The following PRICKLE1 variants were observed in gnomAD, a reference collection of about 807,000 sequenced individuals.
PRICKLE1 encodes the protein prickle planar cell polarity protein 1.
A neutral mutation model predicts 70.2 loss-of-function variants in PRICKLE1; 14 were observed. That is an observed-to-expected ratio of 0.20 (90% CI 0.13 to 0.31). The LOEUF is 0.31. Among genes scored for constraint, PRICKLE1 ranks in the 10% least tolerant of loss-of-function variants. The pLI, the probability that PRICKLE1 is intolerant of heterozygous loss-of-function variation, is 1.00. For missense variants in PRICKLE1, 821 were observed against 1,026.2 expected (o/e 0.80, Z 2.73); for synonymous variants, 357 against 379.9 (o/e 0.94, Z 0.70).
intron 1 of PRICKLE1, among the ~76,000 whole-genome samples, chr12:42,527,931 A>C (rs1417676907): frequency 0.016 from 178 of 10,872 alleles, 19 homozygotes; most frequent in East Asian, 0.083. Flanking sequence ...ATATATATAT[A>C]TATATATATA....
intron 5 of PRICKLE1, among the ~76,000 whole-genome samples, chr12:42,468,052 T>C (rs987707611): frequency 2.6e-5 from 4 of 152,184 alleles, no homozygotes; most frequent in Non-Finnish European, 4.4e-5. Flanking sequence ...GACGTTAGTG[T>C]CAGGGGAAGC....
In PRICKLE1 at chr12:42,528,989, G is replaced by C. The variant is rs372435968; in HGVS notation, c.-48-56425C>G. ...CTAAGCCACCACCGGCTAAGGGAAG[G>C]CTCCCTTGAAAATGGCCCCTGTCCC... On this transcript the variant is annotated intron_variant, in intron 1 of 7. Coordinates refer to ENST00000345127, the MANE Select transcript of PRICKLE1 (RefSeq NM_153026.3). 1.2e-4 allele frequency among the ~76,000 whole-genome samples: 18 copies of C among 152,202 alleles called. 1 individual carries two copies. In the South Asian group the frequency reaches 3.7e-3, roughly 32 times the overall value.
intron 1 of PRICKLE1, among the ~76,000 whole-genome samples, chr12:42,560,147 TTA>T (rs1338115322): frequency 4.1e-4 from 55 of 133,976 alleles, no homozygotes; most frequent in Non-Finnish European, 7.3e-4. Context: ...ATTATTATTA[TTA>T]TTTTTGAGGC....
chr12:42,523,108 C>T (rs557333477), intron 1 of PRICKLE1, among the ~76,000 whole-genome samples: 1 of 152,042 alleles, frequency 6.6e-6, no homozygotes, highest in African/African-American at 2.4e-5. Context: ...ATTACAGGCA[C>T]CTGCCACCAT....
intron 1 of PRICKLE1, among the ~76,000 whole-genome samples, chr12:42,527,170 T>C (rs925817673): frequency 7.7e-6 from 1 of 129,406 alleles, no homozygotes. Flanking sequence ...TCTCACTCTG[T>C]AGCCCCGGAT....
chr12:42,516,851 A>G (rs1362350989), intron 1 of PRICKLE1, among the ~76,000 whole-genome samples: 1 of 152,128 alleles, frequency 6.6e-6, no homozygotes, highest in African/African-American at 2.4e-5. Flanking sequence ...TTGGCTAACC[A>G]GATTCTTCAG....
intron 1 of PRICKLE1, among the ~76,000 whole-genome samples, chr12:42,502,670 G>C (rs914645713): frequency 6.6e-6 from 1 of 152,076 alleles, no homozygotes; most frequent in African/African-American, 2.4e-5. Flanking sequence ...AACTACCAAG[G>C]ATGCACATTT....
Position 42,464,839 on chromosome 12 carries a change from G to C in PRICKLE1, c.1195C>G (p.Gln399Glu). 1 of 1,614,010 alleles carries C rather than the reference G, an allele frequency of 6.2e-7. No homozygotes were observed. Among genetic ancestry groups the C allele is most frequent in the South Asian group, 1.1e-5 (1 of 91,068 alleles). The stretch of plus-strand genomic sequence containing the variant: ...TCTTCAGGGTCTTCTGGAGTTTCCT[G>C]CTCTACTCTGCCTTTCCAAAATTCT... ...SEEFWKGRVE[Q>E]ETPEDPEEWA... The change falls in exon 7 of 8, where the codon CAG becomes GAG. Residue 399 changes from glutamine to glutamate, a missense_variant. Gln to Glu is a conservative substitution (Grantham distance 29). Coordinates refer to ENST00000345127, the MANE Select transcript of PRICKLE1 (RefSeq NM_153026.3). This position sits in a 1 kb window ranked among gnomAD's most constrained non-coding sequence, Gnocchi z 4.2.
chr12:42,568,181 T>G (rs1940653116), intron 1 of PRICKLE1, among the ~76,000 whole-genome samples: 1 of 152,230 alleles, frequency 6.6e-6, no homozygotes, highest in Admixed American at 6.5e-5. Context: ...TTATTTTACA[T>G]ATGTATTTTT....
intron 1 of PRICKLE1, among the ~76,000 whole-genome samples, chr12:42,533,465 G>A (rs1191660293): frequency 6.6e-6 from 1 of 152,124 alleles, no homozygotes; most frequent in Non-Finnish European, 1.5e-5. Context: ...CTTACATTTT[G>A]AGCACAAGCC....
chr12:42,492,601 G>A (rs150758711), intron 1 of PRICKLE1, among the ~76,000 whole-genome samples: 46 of 152,286 alleles, frequency 3.0e-4, no homozygotes, highest in African/African-American at 9.4e-4. Flanking sequence ...ATTTAAAGGA[G>A]GTGATTTTGT....
intron 1 of PRICKLE1, among the ~76,000 whole-genome samples, chr12:42,585,055 T>C: frequency 6.6e-6 from 1 of 151,216 alleles, no homozygotes; most frequent in Admixed American, 6.6e-5. Flanking sequence ...TTCTGAAGTG[T>C]AATCCACTAG....
intron 1 of PRICKLE1, among the ~76,000 whole-genome samples, chr12:42,571,782 A>G (rs559030521): frequency 6.6e-6 from 1 of 152,272 alleles, no homozygotes; most frequent in African/African-American, 2.4e-5. Flanking sequence ...TTTTCTCCCC[A>G]TTTCAGAGGT....
At chr12:42,460,825 G>C in intron 7 of PRICKLE1, 160 bp from the exon 8 acceptor site, 1 of 783,778 alleles carries the variant, frequency 1.3e-6, no homozygotes, top group South Asian at 1.5e-5. Flanking sequence ...TGCCAATTGA[G>C]AAGTGGTATA....
At chr12:42,552,678 G>GT (rs1478718200) in intron 1 of PRICKLE1, among the ~76,000 whole-genome samples, 1 of 152,248 alleles carries the variant, frequency 6.6e-6, no homozygotes, top group Non-Finnish European at 1.5e-5. Context: ...ACAGAGCGCT[G>GT]TGAGTAGTAG....
intron 1 of PRICKLE1, among the ~76,000 whole-genome samples, chr12:42,563,848 C>T (rs138976604): frequency 1.1e-4 from 17 of 151,808 alleles, no homozygotes; most frequent in South Asian, 8.3e-4. Flanking sequence ...GGACATTTTT[C>T]GAGTACAATG....
rs1252600886 is a variant in PRICKLE1, at chr12:42,459,454, T to C, written c.*355A>G. The C allele has an allele frequency of 1.5e-6, 1 of 679,602 alleles. No homozygotes were observed. The highest frequency in any genetic ancestry group is 2.7e-6 in the Non-Finnish European group (1 of 374,382). 42.1% of individuals were successfully genotyped at this position (679,602 alleles called of 1,614,324 possible). ...ACATAAATGACAAACACTAGTGCTT[T>C]ACAAAGGTGGCTGGAGTTCTCCATC... On this transcript the variant is annotated 3_prime_UTR_variant, in exon 8 of 8. Coordinates refer to ENST00000345127, the MANE Select transcript of PRICKLE1 (RefSeq NM_153026.3).
intron 1 of PRICKLE1, among the ~76,000 whole-genome samples, chr12:42,552,059 CTTTTTTTTTTT>C (rs201217516): frequency 1.5e-5 from 2 of 129,248 alleles, no homozygotes. Flanking sequence ...AAGAAAGTTA[CTTTTTTTTTTT>C]TTTTTTTTTT....
chr12:42,478,184 T>C (rs560441364), intron 1 of PRICKLE1, among the ~76,000 whole-genome samples: 1 of 152,272 alleles, frequency 6.6e-6, no homozygotes, highest in Non-Finnish European at 1.5e-5. Context: ...TTACATTCTT[T>C]TACCTAACCA....
Sources: allele counts gnomAD v4.1 joint callset (sites outside exome capture counted in the v4.1 genomes callset), GRCh38; gene constraint gnomAD v4.1.1; non-coding constraint Gnocchi (gnomAD v3.1); transcripts MANE v1.5; gene names NCBI Gene and HGNC (gene_info 2026-07-23, HGNC 2026-07-21).